Variants in KCNIP4 observed in about 807,000 individuals in gnomAD.
KCNIP4 encodes potassium voltage-gated channel interacting protein 4.
Under a neutral mutation model 34.0 loss-of-function variants are expected in KCNIP4, and 12 were observed. The observed-to-expected ratio is 0.35, with a 90% confidence interval of 0.23 to 0.57. The LOEUF is 0.57. Among genes scored for constraint, KCNIP4 ranks in the 20% least tolerant of loss-of-function variants. The pLI, the probability that KCNIP4 is intolerant of heterozygous loss-of-function variation, is 0.83. For missense variants in KCNIP4, 238 were observed against 311.7 expected (o/e 0.76, Z 1.78); for synonymous variants, 124 against 102.2 (o/e 1.21, Z -1.29).
chr4:21,115,096 G>T (rs894002369), intron 1 of KCNIP4, among the ~76,000 whole-genome samples: 4 of 152,052 alleles, frequency 2.6e-5, no homozygotes, highest in Non-Finnish European at 4.4e-5. Flanking sequence ...GTTCACTTTT[G>T]TCCCTTCCCT....
At chr4:21,082,865 TTCTATCTATCTATCTATCTATCTATCTA>T (rs71182707) in intron 1 of KCNIP4, among the ~76,000 whole-genome samples, 1 of 147,570 alleles carries the variant, frequency 6.8e-6, no homozygotes, top group Non-Finnish European at 1.5e-5. Flanking sequence ...TGCCAGGTTA[TTCTATCTATCTATCTATCTATCTATCTA>T]TCTATCTATC....
At chr4:20,880,273 T>C (rs1450092510) in intron 2 of KCNIP4, among the ~76,000 whole-genome samples, 4 of 152,068 alleles carry the variant, frequency 2.6e-5, no homozygotes, top group African/African-American at 7.2e-5. Context: ...AAATTGACTG[T>C]CCTGAACATG....
At chr4:20,922,529 C>G (rs1348570521) in intron 1 of KCNIP4, among the ~76,000 whole-genome samples, 1 of 71,152 alleles carries the variant, frequency 1.4e-5, no homozygotes, top group East Asian at 4.1e-4. Flanking sequence ...GTCTGTCTGT[C>G]TGTCTGTCTG....
intron 2 of KCNIP4, among the ~76,000 whole-genome samples, chr4:20,859,417 A>G (rs1176574870): frequency 6.6e-6 from 1 of 152,176 alleles, no homozygotes; most frequent in African/African-American, 2.4e-5. Flanking sequence ...AGCGAAATAC[A>G]AATAGTATTT....
chr4:21,697,500 AT>A, intron 1 of KCNIP4: 1 of 1,505,396 alleles, frequency 6.6e-7, no homozygotes. Context: ...AATAATAATA[AT>A]AATAAAAAGA....
chr4:21,830,735 G>C (rs1028603581), intron 1 of KCNIP4, among the ~76,000 whole-genome samples: 22 of 151,932 alleles, frequency 1.4e-4, no homozygotes, highest in African/African-American at 5.1e-4. Flanking sequence ...TTTCAGCAAT[G>C]GACAGACAGA....
At chr4:21,324,698 G>GTTT (rs140772214) in intron 1 of KCNIP4, among the ~76,000 whole-genome samples, 6 of 146,302 alleles carry the variant, frequency 4.1e-5, no homozygotes, top group African/African-American at 1.5e-4. Flanking sequence ...CTCCAGTTTT[G>GTTT]TTTTGTTTTT....
intron 1 of KCNIP4, among the ~76,000 whole-genome samples, chr4:21,842,924 G>A (rs1723772649): frequency 6.6e-6 from 1 of 152,074 alleles, no homozygotes; most frequent in Non-Finnish European, 1.5e-5. Flanking sequence ...AGGATTTAGA[G>A]TTAATTCCTT....
intron 1 of KCNIP4, among the ~76,000 whole-genome samples, chr4:21,128,414 C>T (rs532877221): frequency 2.0e-5 from 3 of 152,192 alleles, no homozygotes; most frequent in Admixed American, 6.5e-5. Context: ...ATAAATAAAC[C>T]CCATTCAGGA....
chr4:21,666,378 G>A (rs1748962624), intron 1 of KCNIP4, among the ~76,000 whole-genome samples: 1 of 152,130 alleles, frequency 6.6e-6, no homozygotes, highest in South Asian at 2.1e-4. Context: ...CCACATTACT[G>A]TATCCATTAT....
In KCNIP4 at chr4:21,397,872, T is replaced by C. The variant is rs372080940; in HGVS notation, c.62-515163A>G. Among the ~76,000 whole-genome samples the C allele has an allele frequency of 2.8e-5, 4 of 143,262 alleles. No individual in the cohort carries two copies. In the East Asian group the frequency reaches 7.9e-4, roughly 28 times the overall value. The allele number at this position is 143,262 out of a possible 152,430, so 94.0% of individuals were successfully genotyped here. A position where few individuals can be genotyped will look rare whatever the true frequency, so the allele number is the denominator to read the frequency against. ...GATTGAAGATGGGTGATGGACTATA[T>C]GATTAAAATTCATAAAAATGACATG... is the stretch of plus-strand genomic sequence containing the variant. On this transcript the variant is annotated intron_variant, in intron 1 of 8. Transcript: ENST00000382152.
chr4:20,759,351 A>C (rs1182754672), intron 3 of KCNIP4, among the ~76,000 whole-genome samples: 1 of 152,198 alleles, frequency 6.6e-6, no homozygotes, highest in Non-Finnish European at 1.5e-5. Flanking sequence ...AGCTTCAACC[A>C]GTAATAGATA....
At chr4:21,489,555 A>G (rs1368566589) in intron 1 of KCNIP4, among the ~76,000 whole-genome samples, 2 of 152,072 alleles carry the variant, frequency 1.3e-5, no homozygotes, top group Admixed American at 6.6e-5. Flanking sequence ...AGCATCTTTT[A>G]TCTTTATTTT....
At chr4:21,860,246 G>A (rs938049417) in intron 1 of KCNIP4, among the ~76,000 whole-genome samples, 1 of 152,080 alleles carries the variant, frequency 6.6e-6, no homozygotes, top group Non-Finnish European at 1.5e-5. Context: ...CAATTCTTGT[G>A]CCTCAGCCTC....
intron 1 of KCNIP4, among the ~76,000 whole-genome samples, chr4:21,381,970 C>T (rs532602927): frequency 6.6e-6 from 1 of 152,084 alleles, no homozygotes; most frequent in African/African-American, 2.4e-5. Context: ...TATCAACAGG[C>T]TGCAAAAGAG....
At chr4:21,138,335 C>T (rs1560755567) in intron 1 of KCNIP4, among the ~76,000 whole-genome samples, 3 of 152,044 alleles carry the variant, frequency 2.0e-5, no homozygotes, top group African/African-American at 7.2e-5. Context: ...GTACTTATAC[C>T]TTGCTTGTCA....
At chr4:21,850,351 CTA>C (rs1407389199) in intron 1 of KCNIP4, 1 of 151,986 alleles carries the variant, frequency 6.6e-6, no homozygotes, top group Non-Finnish European at 1.5e-5. Context: ...CAAATCAATG[CTA>C]TGATTTGAAT....
intron 1 of KCNIP4, among the ~76,000 whole-genome samples, chr4:21,720,126 A>G (rs11731835): frequency 0.18 from 26,995 of 152,016 alleles, 3,483 homozygotes; most frequent in African/African-American, 0.37. Flanking sequence ...GCTAGCATCC[A>G]CCAACTGGTG....
At chr4:21,451,435 A>G (rs973752746) in intron 1 of KCNIP4, among the ~76,000 whole-genome samples, 1 of 152,188 alleles carries the variant, frequency 6.6e-6, no homozygotes, top group Non-Finnish European at 1.5e-5. Flanking sequence ...AAGTCAAAAA[A>G]TAGTTTTGAA....
Sources: allele counts gnomAD v4.1 joint callset (sites outside exome capture counted in the v4.1 genomes callset), GRCh38; gene constraint gnomAD v4.1.1; transcripts MANE v1.5; gene names NCBI Gene and HGNC (gene_info 2026-07-23, HGNC 2026-07-21).